The following AP1S3 variants were observed in gnomAD, a reference collection of about 807,000 sequenced individuals.
AP1S3 encodes adaptor related protein complex 1 subunit sigma 3, also known as AP-1 complex subunit sigma-3.
A neutral mutation model predicts 20.9 loss-of-function variants in AP1S3; 10 were observed. The observed-to-expected ratio is 0.48, with a 90% CI of 0.29 to 0.81. The LOEUF (loss-of-function observed/expected upper bound fraction) is 0.81, where lower values mean the gene tolerates loss of function less well. Ranked by LOEUF, AP1S3 falls within the 30% of genes least tolerant of loss-of-function variation. AP1S3 has a pLI of 0.08. For synonymous variants in AP1S3, 41 were observed against 61.5 expected (o/e 0.67, Z 1.56); for missense variants, 154 against 183.8 (o/e 0.84, Z 0.94).
intron 1 of AP1S3, among the ~76,000 whole-genome samples, chr2:223,793,303 CA>C (rs1194655120): frequency 6.6e-6 from 1 of 152,134 alleles, no homozygotes; most frequent in African/African-American, 2.4e-5. Context: ...TTCACAATAG[CA>C]AAGACATGGA....
At chr2:223,770,445 A>G (rs1690592017) in intron 3 of AP1S3, 3 of 1,433,570 alleles carry the variant, frequency 2.1e-6, no homozygotes, top group Middle Eastern at 5.0e-4. Flanking sequence ...TTACTGTACT[A>G]GTTTCAAGGG....
At chr2:223,835,300 A>G (rs1157093191) in intron 1 of AP1S3, among the ~76,000 whole-genome samples, 1 of 152,240 alleles carries the variant, frequency 6.6e-6, no homozygotes, top group Non-Finnish European at 1.5e-5. Context: ...GCAAGGATTG[A>G]ATGAGATCGT....
chr2:223,761,490 T>C (rs1452402576), intron 4 of AP1S3, among the ~76,000 whole-genome samples: 1 of 152,184 alleles, frequency 6.6e-6, no homozygotes, highest in Admixed American at 6.5e-5. Flanking sequence ...AGTGGTGCGA[T>C]TACCGCTCAC....
At chr2:223,791,329 T>C (rs1052991248) in intron 1 of AP1S3, among the ~76,000 whole-genome samples, 1 of 152,144 alleles carries the variant, frequency 6.6e-6, no homozygotes, top group African/African-American at 2.4e-5. Context: ...AAAAAGCTTA[T>C]CCACCATGAT....
chr2:223,757,730 A>T lies in AP1S3; in HGVS notation c.*985T>A. 5 of 985,450 alleles carry T rather than the reference A, an allele frequency of 5.1e-6. No homozygotes were observed. Among genetic ancestry groups the T allele is most frequent in the Non-Finnish European group, 6.0e-6 (5 of 829,940 alleles). The allele number at this position is 985,450 out of a possible 1,614,324, so 61.0% of individuals were successfully genotyped here. Reference sequence around the variant, plus strand: ...TTTCTTTGGGGAGGAAAGGGTAAGAAAAGAAAAAAGAAGGAAAGGAATCTA... The same window carrying T: ...TTTCTTTGGGGAGGAAAGGGTAAGATAAGAAAAAAGAAGGAAAGGAATCTA... On this transcript the variant is annotated 3_prime_UTR_variant, in exon 5 of 5. Coordinates refer to ENST00000396654, the MANE Select transcript of AP1S3 (RefSeq NM_001039569.2).
intron 1 of AP1S3, among the ~76,000 whole-genome samples, chr2:223,797,994 C>T (rs1691383958): frequency 6.6e-6 from 1 of 152,152 alleles, no homozygotes; most frequent in African/African-American, 2.4e-5. Flanking sequence ...AAGTGGTCCT[C>T]TGACCCAAGA....
chr2:223,774,978 G>C (rs1289917133), intron 3 of AP1S3, among the ~76,000 whole-genome samples: 1 of 63,034 alleles, frequency 1.6e-5, no homozygotes, highest in South Asian at 7.1e-4. Context: ...GCTGGGCAGA[G>C]GAAGGGAGCT....
intron 3 of AP1S3, among the ~76,000 whole-genome samples, chr2:223,767,001 C>A (rs547252455): frequency 6.7e-6 from 1 of 148,218 alleles, no homozygotes; most frequent in Non-Finnish European, 1.5e-5. Context: ...AGGAGTTGAA[C>A]AATGAGAACA....
At chr2:223,776,048 C>T (rs1049150984) in intron 2 of AP1S3, 39 bp from the exon 3 acceptor site, 31 of 1,512,876 alleles carry the variant, frequency 2.0e-5, no homozygotes, top group Non-Finnish European at 2.8e-5. Flanking sequence ...TATGACAATA[C>T]ATTAAGCAAC....
intron 1 of AP1S3, among the ~76,000 whole-genome samples, chr2:223,807,952 C>T (rs906280144): frequency 1.6e-5 from 2 of 128,528 alleles, no homozygotes; most frequent in Non-Finnish European, 3.1e-5. Flanking sequence ...TGCAGTGGTG[C>T]GATCTTGGCT....
At chr2:223,808,443 G>T (rs886761837) in intron 1 of AP1S3, among the ~76,000 whole-genome samples, 9 of 152,052 alleles carry the variant, frequency 5.9e-5, no homozygotes, top group African/African-American at 2.2e-4. Context: ...TATTTTTTTG[G>T]TCAATCCATA....
chr2:223,781,704 T>G (rs1690951062), intron 1 of AP1S3, among the ~76,000 whole-genome samples: 2 of 152,148 alleles, frequency 1.3e-5, no homozygotes, highest in South Asian at 2.1e-4. Flanking sequence ...TCTACGAGCA[T>G]AAAATAGAAT....
chr2:223,829,441 A>G (rs76737007), intron 1 of AP1S3, among the ~76,000 whole-genome samples: 24,563 of 152,088 alleles, frequency 0.16, 2,543 homozygotes, highest in East Asian at 0.41. Flanking sequence ...AGCCTGGCCA[A>G]CGTGGCAAAA....
At chr2:223,782,214 T>G (rs768552247) in intron 1 of AP1S3, among the ~76,000 whole-genome samples, 2 of 152,124 alleles carry the variant, frequency 1.3e-5, no homozygotes, top group Non-Finnish European at 2.9e-5. Context: ...GGTTTCACCA[T>G]GTTGGCCAGG....
intron 1 of AP1S3, among the ~76,000 whole-genome samples, chr2:223,787,588 T>A (rs1413918442): frequency 6.6e-6 from 1 of 152,216 alleles, no homozygotes; most frequent in African/African-American, 2.4e-5. Context: ...ATAGAATGCC[T>A]GAGAGCAATA....
intron 3 of AP1S3, among the ~76,000 whole-genome samples, chr2:223,774,241 C>A (rs762291030): frequency 6.6e-6 from 1 of 151,882 alleles, no homozygotes; most frequent in African/African-American, 2.4e-5. Flanking sequence ...GGCGGGGGCC[C>A]GTAAACCTAG....
At chr2:223,836,094 T>G (rs1692388454) in intron 1 of AP1S3, among the ~76,000 whole-genome samples, 1 of 152,232 alleles carries the variant, frequency 6.6e-6, no homozygotes, top group South Asian at 2.1e-4. Context: ...GCGGTCTTGC[T>G]GGCCAGGTGC....
chr2:223,766,182 TCTC>T (rs1193273512), intron 3 of AP1S3, among the ~76,000 whole-genome samples: 4 of 152,144 alleles, frequency 2.6e-5, no homozygotes, highest in Admixed American at 6.5e-5. Flanking sequence ...CTGAAGCTGT[TCTC>T]CTGAAACTCT....
chr2:223,814,176 C>A (rs1217808062), intron 1 of AP1S3, among the ~76,000 whole-genome samples: 1 of 152,162 alleles, frequency 6.6e-6, no homozygotes, highest in African/African-American at 2.4e-5. Flanking sequence ...GCTTTCCAAC[C>A]CTGAGTGGCC....
Sources: gnomAD v4.1 joint callset for allele counts (sites outside exome capture counted in the v4.1 genomes callset) on GRCh38, gnomAD v4.1.1 for gene constraint, MANE v1.5 for transcripts, NCBI Gene and HGNC (gene_info 2026-07-23, HGNC 2026-07-21) for gene names.